Variants in GGA2 observed in about 807,000 individuals in gnomAD.
The protein encoded by GGA2 is golgi associated, gamma adaptin ear containing, ARF binding protein 2.
In GGA2, 48 loss-of-function variants were observed where a neutral mutation model predicts 79.5. The observed-to-expected ratio is 0.60, with a 90% CI of 0.48 to 0.77. The LOEUF is 0.77. Ranked by LOEUF, GGA2 falls within the 30% of genes least tolerant of loss-of-function variation. GGA2 has a pLI of 0.00. For missense variants in GGA2, 770 were observed against 774.0 expected (o/e 0.99, Z 0.06); for synonymous variants, 317 against 302.0 (o/e 1.05, Z -0.51).
At chr16:23,480,797 C>A (rs374131213) in intron 9 of GGA2, 27 bp from the exon 10 acceptor site, 3 of 1,592,766 alleles carry the variant, frequency 1.9e-6, no homozygotes, top group Non-Finnish European at 2.6e-6. Context: ...GACTCAGAAC[C>A]CCCTGGTTTG....
intron 1 of GGA2, among the ~76,000 whole-genome samples, chr16:23,504,297 T>C (rs1420309925): frequency 1.3e-5 from 2 of 152,188 alleles, no homozygotes; most frequent in Admixed American, 6.5e-5. Flanking sequence ...AGGTCTTCAG[T>C]TCCTTGACAA....
rs374379857 is a variant in GGA2 at position 23,474,618 on chromosome 16, A to G, written c.1450+286T>C. On this transcript the variant is annotated intron_variant, in intron 14 of 16. Coordinates refer to ENST00000309859, the MANE Select transcript of GGA2 (RefSeq NM_015044.4). The stretch of plus-strand genomic sequence containing the variant: ...AGTGATCACCTGCCTTGGCCTCCCA[A>G]TTTTTTTCTTCCCCCCCAAATAGAG... Among the ~76,000 whole-genome samples, 40 of 151,782 alleles carry G rather than the reference A, an allele frequency of 2.6e-4. 1 individual carries two copies. The highest frequency in any genetic ancestry group is 3.4e-3 in the Middle Eastern group (1 of 294).
intron 5 of GGA2, among the ~76,000 whole-genome samples, chr16:23,490,868 C>G (rs1964774544): frequency 6.6e-6 from 1 of 152,016 alleles, no homozygotes; most frequent in Non-Finnish European, 1.5e-5. Context: ...CAAACTCTAG[C>G]TCATAGGTAG....
At chr16:23,481,205 C>A (rs983101198) in intron 9 of GGA2, among the ~76,000 whole-genome samples, 1 of 151,784 alleles carries the variant, frequency 6.6e-6, no homozygotes, top group Non-Finnish European at 1.5e-5. Flanking sequence ...ATGGTGAAAC[C>A]CAGTTTCTAC....
rs2142108142 is a variant in GGA2, at chr16:23,465,299, AAGTGAATGAAGAGGTAGG to A, written c.*2273_*2290del. 4 of 702,420 alleles carry A rather than the reference AAGTGAATGAAGAGGTAGG, an allele frequency of 5.7e-6. No individual in the cohort carries two copies. The East Asian group carries it at 1.1e-4, about 19-fold the overall frequency. 43.5% of individuals were successfully genotyped at this position (702,420 alleles called of 1,614,324 possible). A position where few individuals can be genotyped will look rare whatever the true frequency, so the allele number is the denominator to read the frequency against. ...TGTGCACAGCCAATAACTACTTGTT[AAGTGAATGAAGAGGTAGG>A]AGCTGGGCTCTAAGTGGCCACTGGA... On this transcript the variant is annotated 3_prime_UTR_variant, in exon 17 of 17. Transcript: ENST00000309859.
At chr16:23,508,689 C>T (rs1332194787) in intron 1 of GGA2, among the ~76,000 whole-genome samples, 1 of 152,102 alleles carries the variant, frequency 6.6e-6, no homozygotes, top group Admixed American at 6.6e-5. Flanking sequence ...TCTTAATATA[C>T]GCAAGCTTCT....
intron 10 of GGA2, chr16:23,480,177 G>A (rs1397549567): frequency 2.5e-6 from 1 of 403,736 alleles, no homozygotes; most frequent in African/African-American, 2.0e-5. Flanking sequence ...AGGCCATTCT[G>A]AGGCTTCTGA....
At chr16:23,492,599 C>T (rs1964803171) in intron 4 of GGA2, among the ~76,000 whole-genome samples, 1 of 152,138 alleles carries the variant, frequency 6.6e-6, no homozygotes, top group Non-Finnish European at 1.5e-5. Flanking sequence ...AGCTCTGTCC[C>T]CTCTTGCCCC....
In GGA2 at chr16:23,510,442, G is replaced by C. The variant is rs1251682509; in HGVS notation, c.-31C>G. On this transcript the variant is annotated 5_prime_UTR_variant, in exon 1 of 17. Coordinates refer to ENST00000309859, the MANE Select transcript of GGA2 (RefSeq NM_015044.4). ...CAGCCCCGACGCTGCGGCCGCGGGC[G>C]CCACTGCCTCTTCAGCCGCTGTAGC... The C allele has an allele frequency of 3.4e-6, 3 of 892,408 alleles. No homozygotes were observed. The highest frequency in any genetic ancestry group is 4.5e-6 in the Non-Finnish European group (3 of 661,646). 55.3% of individuals were successfully genotyped at this position (892,408 alleles called of 1,614,324 possible). A position where few individuals can be genotyped will look rare whatever the true frequency, so the allele number is the denominator to read the frequency against.
rs1034120135 is a variant in GGA2, at chr16:23,464,262, T to C, written c.*3328A>G. On this transcript the variant is annotated 3_prime_UTR_variant, in exon 17 of 17. Transcript: ENST00000309859. Reference sequence around the variant, plus strand: ...ACATTTTTGCCCAGTCTTAAGTTCATGGAAGATAATAGGAAGAGTAATTAA... The same window carrying C: ...ACATTTTTGCCCAGTCTTAAGTTCACGGAAGATAATAGGAAGAGTAATTAA... The C allele has an allele frequency of 1.3e-5, 2 of 152,168 alleles. No homozygotes were observed. The highest frequency in any genetic ancestry group is 2.9e-5 in the Non-Finnish European group (2 of 68,036). 9.4% of individuals were successfully genotyped at this position (152,168 alleles called of 1,614,324 possible). A position where few individuals can be genotyped will look rare whatever the true frequency, so the allele number is the denominator to read the frequency against.
intron 14 of GGA2, among the ~76,000 whole-genome samples, chr16:23,472,489 C>T (rs991066295): frequency 4.0e-5 from 6 of 151,670 alleles, no homozygotes; most frequent in Admixed American, 2.6e-4. Context: ...TGAGCCACCA[C>T]ACCCAGCCTG....
intron 9 of GGA2, among the ~76,000 whole-genome samples, chr16:23,481,843 A>C (rs1457823328): frequency 6.6e-6 from 1 of 152,244 alleles, no homozygotes; most frequent in Non-Finnish European, 1.5e-5. Flanking sequence ...CAGAAGAAAT[A>C]TAAACCAATT....
intron 1 of GGA2, among the ~76,000 whole-genome samples, chr16:23,520,459 T>C (rs1247938671): frequency 6.6e-6 from 1 of 152,056 alleles, no homozygotes; most frequent in African/African-American, 2.4e-5. Context: ...ACACTGGGGA[T>C]GGGCTTGAGG....
At chr16:23,480,559 C>G (rs1964633760) in intron 10 of GGA2, 86 bp downstream of exon 10, 2 of 1,179,306 alleles carry the variant, frequency 1.7e-6, no homozygotes, top group Admixed American at 4.1e-5. Context: ...ATTCCTTAAC[C>G]CAGAATATGT....
intron 13 of GGA2, among the ~76,000 whole-genome samples, chr16:23,478,096 G>C (rs1474674523): frequency 1.3e-5 from 2 of 151,888 alleles, no homozygotes; most frequent in Middle Eastern, 3.4e-3. Context: ...CTACTTGGGA[G>C]GCTGAGGCAG....
intron 14 of GGA2, among the ~76,000 whole-genome samples, chr16:23,470,937 C>T (rs1964503827): frequency 7.2e-6 from 1 of 138,274 alleles, no homozygotes; most frequent in Non-Finnish European, 1.5e-5. Flanking sequence ...TCAAACGATT[C>T]TCCCACCTCA....
intron 8 of GGA2, among the ~76,000 whole-genome samples, chr16:23,485,251 G>A (rs1964697485): frequency 6.6e-6 from 1 of 152,204 alleles, no homozygotes; most frequent in Non-Finnish European, 1.5e-5. Context: ...GGGAAAGGGG[G>A]AATGACTGTT....
At chr16:23,479,072 T>A in intron 11 of GGA2, 161 bp from the exon 12 acceptor site, 1 of 650,390 alleles carries the variant, frequency 1.5e-6, no homozygotes, top group Non-Finnish European at 2.8e-6. Context: ...CTGTGACTAA[T>A]ATGCAAGGGG....
intron 12 of GGA2, 81 bp from the exon 13 acceptor site, chr16:23,478,582 G>A: frequency 7.2e-7 from 1 of 1,392,502 alleles, no homozygotes; most frequent in Non-Finnish European, 1.0e-6. Context: ...CAGCTCTCCT[G>A]AGCCCACCCA....
Sources: allele counts gnomAD v4.1 joint callset (sites outside exome capture counted in the v4.1 genomes callset), GRCh38; gene constraint gnomAD v4.1.1; transcripts MANE v1.5; gene names NCBI Gene and HGNC (gene_info 2026-07-23, HGNC 2026-07-21).